Variants in SMYD4 observed in about 807,000 individuals in gnomAD.
SMYD4 encodes SET and MYND domain containing 4.
A neutral mutation model predicts 72.8 loss-of-function variants in SMYD4; 68 were observed. The ratio of observed to expected loss-of-function variants is 0.93; its 90% CI spans 0.77 to 1.14. The LOEUF (loss-of-function observed/expected upper bound fraction) is 1.14, where lower values mean the gene tolerates loss of function less well. SMYD4 is among the 50% of genes most tolerant of loss of function. SMYD4 has a pLI of 0.00. For synonymous variants in SMYD4, 407 were observed against 388.6 expected, an observed-to-expected ratio of 1.05 and a Z score of -0.56; for missense variants, 984 against 1,003.7, an observed-to-expected ratio of 0.98 and a Z score of 0.27.
At chr17:1,820,548 G>A (rs1277021160) in intron 2 of SMYD4, among the ~76,000 whole-genome samples, 3 of 151,994 alleles carry the variant, frequency 2.0e-5, no homozygotes, top group Non-Finnish European at 2.9e-5. Flanking sequence ...CCTGGCCTAC[G>A]CTCTTTTTTA....
rs1911280978 is a variant in SMYD4, at chr17:1,827,916, T to C, written c.79A>G (p.Ile27Val). ...TCCCTCAAGGTCTCTGCTGTAGAAA[T>C]TGTGACCTGAACAGACGTCGGGAGT... ...ASLPTSVQVT[I>V]STAETLRDIF... is the part of the protein sequence containing the mutation. The change falls in exon 2 of 11, where the codon ATT (isoleucine) becomes GTT (valine). Residue 27 changes from isoleucine (I) to valine (V), a missense_variant. Coordinates refer to ENST00000305513, the MANE Select transcript of SMYD4 (RefSeq NM_052928.3). The C allele has an allele frequency of 6.2e-7, 1 of 1,613,404 alleles. No individual in the cohort carries two copies. Among genetic ancestry groups the C allele is most frequent in the African/African-American group, 1.3e-5 (1 of 74,918 alleles).
Position 1,811,990 on chromosome 17 carries a change from G to A in SMYD4, c.260C>T (p.Ala87Val), listed in dbSNP as rs372114518. ...KKFQEKDYTG[A>V]AVLYSKGVSH... ...TTTTACCTTAGAGTACAGCACTGCA[G>A]CTCCTGTGTAATCTTTCTCCTGAAA... The change falls in exon 3 of 11, where the codon GCT (alanine) becomes GTT (valine). Residue 87 changes from alanine to valine, a missense_variant. Coordinates refer to ENST00000305513, the MANE Select transcript of SMYD4 (RefSeq NM_052928.3). 31 of 1,613,964 alleles carry A rather than the reference G, an allele frequency of 1.9e-5. No individual in the cohort carries two copies. Among genetic ancestry groups the A allele is most frequent in the Non-Finnish European group, 2.6e-5 (31 of 1,180,012 alleles).
intron 2 of SMYD4, among the ~76,000 whole-genome samples, chr17:1,813,147 C>T (rs1910423985): frequency 6.6e-6 from 1 of 152,148 alleles, no homozygotes; most frequent in African/African-American, 2.4e-5. Context: ...CCATTTTGGC[C>T]AGGTTTGTCT....
intron 2 of SMYD4, among the ~76,000 whole-genome samples, chr17:1,818,267 C>A (rs1411926271): frequency 6.6e-6 from 1 of 152,030 alleles, no homozygotes; most frequent in East Asian, 1.9e-4. Context: ...AGCTAACTGG[C>A]GAAGGAGAAA....
At chr17:1,810,987 G>A (rs535571897) in intron 3 of SMYD4, among the ~76,000 whole-genome samples, 12 of 152,162 alleles carry the variant, frequency 7.9e-5, no homozygotes, top group African/African-American at 2.9e-4. Context: ...TAAAGCCCAC[G>A]TGTGATCCGA....
intron 3 of SMYD4, among the ~76,000 whole-genome samples, chr17:1,811,702 G>A (rs1340053768): frequency 2.0e-5 from 3 of 152,236 alleles, no homozygotes; most frequent in African/African-American, 7.2e-5. Context: ...TGAGGCGGGC[G>A]CAACACCTGA....
At chr17:1,794,093 A>ATGTATATATATATG (rs1567771023) in intron 5 of SMYD4, among the ~76,000 whole-genome samples, 1 of 19,386 alleles carries the variant, frequency 5.2e-5, no homozygotes, top group Non-Finnish European at 1.2e-4. Context: ...ATATATATAT[A>ATGTATATATATATG]TATATATATA....
intron 5 of SMYD4, among the ~76,000 whole-genome samples, chr17:1,798,857 C>T (rs1307745403): frequency 1.3e-5 from 2 of 151,460 alleles, no homozygotes; most frequent in Admixed American, 6.6e-5. Context: ...TGAGATTGCG[C>T]CACTGCACTC....
intron 1 of SMYD4, among the ~76,000 whole-genome samples, chr17:1,828,781 G>C (rs990575134): frequency 5.9e-5 from 9 of 151,984 alleles, no homozygotes; most frequent in Admixed American, 4.6e-4. Flanking sequence ...ATTTTTAGTA[G>C]AGACGGGGTT....
Position 1,812,090 on chromosome 17 carries a change from T to C in SMYD4, c.160A>G (p.Arg54Gly). ...LQPEDELFLK[R>G]LSKGYLVGKD... ...CCCACCAAGTAACCTTTAGAAAGTC[T>C]TTTTAGAAACAGCTCATCCTCAGGT... Residue 54 changes from arginine (R) to glycine (G), a missense_variant, in exon 3 of 11, where the codon AGA becomes GGA. By Grantham distance (125) the Arg-to-Gly change is moderately radical. Transcript: ENST00000305513. The C allele has an allele frequency of 1.2e-6, 2 of 1,614,050 alleles. No individual in the cohort carries two copies. Among genetic ancestry groups the C allele is most frequent in the South Asian group, 1.1e-5 (1 of 91,070 alleles).
chr17:1,793,528 A>C (rs191878000), intron 5 of SMYD4, among the ~76,000 whole-genome samples: 73 of 152,082 alleles, frequency 4.8e-4, no homozygotes, highest in Non-Finnish European at 8.2e-4. Context: ...AGACGGTGAC[A>C]GTGGAGGCAA....
rs528964057 is a variant in SMYD4, at chr17:1,782,828, G to A, written c.2261+207C>T. On this transcript the variant is annotated intron_variant, in intron 10 of 10. Transcript: ENST00000305513. The stretch of plus-strand genomic sequence containing the variant: ...GTCGCCCAGGCTACAGTGCAGTGGC[G>A]CGATCTTGGCTCACTGCAAGCTCCG... 2.5e-4 allele frequency: 138 copies of A among 542,070 alleles called. 2 individuals are homozygous for A. Among genetic ancestry groups the A allele is most frequent in the African/African-American group, 2.4e-3 (119 of 50,036 alleles). The allele number at this position is 542,070 out of a possible 1,614,324, so 33.6% of individuals were successfully genotyped here. A position where few individuals can be genotyped will look rare whatever the true frequency, so the allele number is the denominator to read the frequency against.
At chr17:1,828,856 C>T (rs1394326136) in intron 1 of SMYD4, among the ~76,000 whole-genome samples, 5 of 152,132 alleles carry the variant, frequency 3.3e-5, no homozygotes, top group African/African-American at 9.7e-5. Flanking sequence ...CTTGGCCTCC[C>T]AAAGCGCTGG....
rs143964431 is a variant in SMYD4, at chr17:1,821,374, C to T, written c.134+6487G>A. On this transcript the variant is annotated intron_variant, in intron 2 of 10. Coordinates refer to ENST00000305513, the MANE Select transcript of SMYD4 (RefSeq NM_052928.3). Reference sequence around the variant, plus strand: ...TACTAAAAATACAAAATTAGCTGGGCGCGGTGGTGCATGCCTGTAATCCCA... The same window carrying T: ...TACTAAAAATACAAAATTAGCTGGGTGCGGTGGTGCATGCCTGTAATCCCA... Among the ~76,000 whole-genome samples, 56 of 151,758 alleles carry T rather than the reference C, an allele frequency of 3.7e-4. 1 individual carries two copies. The highest frequency in any genetic ancestry group is 8.7e-4 in the African/African-American group (36 of 41,380).
intron 5 of SMYD4, among the ~76,000 whole-genome samples, chr17:1,792,568 G>C (rs1403074572): frequency 1.3e-5 from 2 of 151,630 alleles, no homozygotes; most frequent in African/African-American, 4.8e-5. Flanking sequence ...TTGAACCCTG[G>C]AGGTCGAGGC....
intron 3 of SMYD4, 128 bp from the exon 4 acceptor site, chr17:1,804,843 CT>C: frequency 1.2e-6 from 1 of 835,464 alleles, no homozygotes. Context: ...CCTCTTTGTG[CT>C]TCAGCTTATC....
chr17:1,825,443 T>A (rs759105665), intron 2 of SMYD4, among the ~76,000 whole-genome samples: 2 of 151,966 alleles, frequency 1.3e-5, no homozygotes, highest in African/African-American at 4.8e-5. Flanking sequence ...TCCCAAGTAG[T>A]TGGAATTACA....
At chr17:1,803,431 C>A (rs73297051) in intron 4 of SMYD4, among the ~76,000 whole-genome samples, 1 of 152,192 alleles carries the variant, frequency 6.6e-6, no homozygotes, top group Non-Finnish European at 1.5e-5. Context: ...CTTGGCTGAT[C>A]CTGACACTGA....
intron 3 of SMYD4, among the ~76,000 whole-genome samples, chr17:1,807,210 T>C (rs1910081494): frequency 6.6e-6 from 1 of 151,784 alleles, no homozygotes; most frequent in African/African-American, 2.4e-5. Flanking sequence ...TTTCTCATCA[T>C]AGACTTGTTT....
Sources: gnomAD v4.1 joint callset for allele counts (sites outside exome capture counted in the v4.1 genomes callset) on GRCh38, gnomAD v4.1.1 for gene constraint, MANE v1.5 for transcripts, NCBI Gene and HGNC (gene_info 2026-07-23, HGNC 2026-07-21) for gene names.